Variants in PAX7 observed in about 807,000 individuals in gnomAD.
PAX7 encodes paired box 7.
A neutral mutation model predicts 50.7 loss-of-function variants in PAX7; 18 were observed. The observed-to-expected ratio is 0.36, with a 90% CI of 0.25 to 0.53. The LOEUF (loss-of-function observed/expected upper bound fraction) is 0.53, where lower values mean the gene tolerates loss of function less well. Ranked by LOEUF, PAX7 falls within the 20% of genes least tolerant of loss-of-function variation. PAX7 has a pLI of 0.93. For synonymous variants in PAX7, 310 were observed against 290.4 expected, an observed-to-expected ratio of 1.07 and a Z score of -0.69; for missense variants, 644 against 702.9, an observed-to-expected ratio of 0.92 and a Z score of 0.95.
At chr1:18,714,206 C>CAAATAAATAAATAAGT (rs144865369) in intron 7 of PAX7, among the ~76,000 whole-genome samples, 1 of 145,006 alleles carries the variant, frequency 6.9e-6, no homozygotes, top group African/African-American at 2.6e-5. Context: ...GGCTCCGTCT[C>CAAATAAATAAATAAGT]AAATAAATAA....
chr1:18,735,901 G>A lies in PAX7; in HGVS notation c.1402+23G>A, dbSNP rs777062997. 5.6e-6 allele frequency: 9 copies of A among 1,614,014 alleles called. No homozygotes were observed. The highest frequency in any genetic ancestry group is 3.3e-5 in the South Asian group (3 of 91,070). On this transcript the variant is annotated intron_variant, in intron 8 of 8. Transcript: ENST00000420770. The surrounding 1 kb of genome is among the most constrained non-coding windows in gnomAD (Gnocchi z 4.0). ...AGAGTGAGTGCCTGGTGCCCTGGGC[G>A]TCCCCCGTCCCCATTCCTTCTCCCA...
chr1:18,724,877 G>A (rs1263342207), intron 7 of PAX7, among the ~76,000 whole-genome samples: 3 of 152,134 alleles, frequency 2.0e-5, no homozygotes, highest in Non-Finnish European at 2.9e-5. Flanking sequence ...ACACAGCTAC[G>A]CAGCCACATA....
chr1:18,733,692 G>T (rs1250286802), intron 7 of PAX7, among the ~76,000 whole-genome samples: 2 of 152,142 alleles, frequency 1.3e-5, no homozygotes, highest in Non-Finnish European at 2.9e-5. Context: ...CAGAGCAAGG[G>T]ACCCCACCCC....
At chr1:18,722,890 G>T (rs742078) in intron 7 of PAX7, among the ~76,000 whole-genome samples, 86,905 of 151,998 alleles carry the variant, frequency 0.57, 25,215 homozygotes, top group South Asian at 0.67. Context: ...TCTTCTGTCT[G>T]CATCCACCTT....
intron 4 of PAX7, among the ~76,000 whole-genome samples, chr1:18,675,161 A>G (rs1002558227): frequency 2.0e-5 from 3 of 152,138 alleles, no homozygotes; most frequent in African/African-American, 7.2e-5. Context: ...GTTCTATGAA[A>G]GGATGTAGTG....
At chr1:18,674,572 G>GA (rs1557522628) in intron 4 of PAX7, among the ~76,000 whole-genome samples, 2 of 152,210 alleles carry the variant, frequency 1.3e-5, no homozygotes, top group African/African-American at 4.8e-5. Flanking sequence ...GCAGGAGCAG[G>GA]CACAGAGAAA....
intron 4 of PAX7, among the ~76,000 whole-genome samples, chr1:18,673,418 G>C (rs78215453): frequency 6.6e-6 from 1 of 152,260 alleles, no homozygotes; most frequent in East Asian, 1.9e-4. Flanking sequence ...CAAATATCTA[G>C]AAGCATGACT....
intron 4 of PAX7, among the ~76,000 whole-genome samples, chr1:18,682,207 G>A (rs2088911296): frequency 6.6e-6 from 1 of 152,098 alleles, no homozygotes; most frequent in Non-Finnish European, 1.5e-5. Flanking sequence ...AACCTGTGGG[G>A]GTCTCTCAGT....
At chr1:18,653,702 G>A (rs545790812) in intron 4 of PAX7, among the ~76,000 whole-genome samples, 1 of 151,936 alleles carries the variant, frequency 6.6e-6, no homozygotes, top group South Asian at 2.1e-4. Context: ...GAACGTATCT[G>A]CCCCCATTTT....
intron 7 of PAX7, among the ~76,000 whole-genome samples, chr1:18,718,527 G>A (rs1481446022): frequency 6.6e-6 from 1 of 152,144 alleles, no homozygotes; most frequent in East Asian, 1.9e-4. Flanking sequence ...GATTAGCGAG[G>A]TTCCATCTTG....
At chr1:18,663,987 C>G (rs552903901) in intron 4 of PAX7, among the ~76,000 whole-genome samples, 29 of 152,336 alleles carry the variant, frequency 1.9e-4, no homozygotes, top group African/African-American at 6.7e-4. Flanking sequence ...TAGAAAGCCC[C>G]CACCCCACCC....
At position 18,745,011 on chromosome 1, in the gene PAX7, C is replaced by T. The variant is rs1310447479; in HGVS notation, c.*82C>T. 2.5e-6 allele frequency: 2 copies of T among 798,460 alleles called. No individual in the cohort carries two copies. The highest frequency in any genetic ancestry group is 3.5e-5 in the African/African-American group (2 of 57,464). 49.5% of individuals were successfully genotyped at this position (798,460 alleles called of 1,614,324 possible). A position where few individuals can be genotyped will look rare whatever the true frequency, so the allele number is the denominator to read the frequency against. On this transcript the variant is annotated 3_prime_UTR_variant, in exon 9 of 9. Coordinates refer to ENST00000420770, the MANE Select transcript of PAX7 (RefSeq NM_001135254.2). The stretch of plus-strand genomic sequence containing the variant: ...GAGCTTCCCAGCCTTGCCGCCTCAC[C>T]CCCCTGTTGTCCTAGGAGGCCAGGA...
chr1:18,746,682 C>T lies in PAX7; in HGVS notation c.*1753C>T, dbSNP rs570707563. The T allele has an allele frequency of 3.9e-5, 9 of 231,080 alleles. No homozygotes were observed. Among genetic ancestry groups the T allele is most frequent in the East Asian group, 3.1e-4 (5 of 16,296 alleles). 14.3% of individuals were successfully genotyped at this position (231,080 alleles called of 1,614,324 possible). A position where few individuals can be genotyped will look rare whatever the true frequency, so the allele number is the denominator to read the frequency against. ...CTTGCCCTCAGTCAACAAGACATTCCTAGAGGGAAAGGGCTGCTGCTCTGG... is the reference window on the plus strand; with the variant it reads ...CTTGCCCTCAGTCAACAAGACATTCTTAGAGGGAAAGGGCTGCTGCTCTGG... On this transcript the variant is annotated 3_prime_UTR_variant, in exon 9 of 9. Coordinates refer to ENST00000420770, the MANE Select transcript of PAX7 (RefSeq NM_001135254.2).
intron 7 of PAX7, among the ~76,000 whole-genome samples, chr1:18,732,015 G>A (rs899269701): frequency 2.0e-5 from 3 of 152,042 alleles, no homozygotes; most frequent in Non-Finnish European, 2.9e-5. Context: ...TCGTGATTCA[G>A]CCCCCTCAGC....
chr1:18,655,558 G>A (rs2088501970), intron 4 of PAX7, among the ~76,000 whole-genome samples: 1 of 152,192 alleles, frequency 6.6e-6, no homozygotes, highest in South Asian at 2.1e-4. Context: ...TCCCATTGAG[G>A]GGAGCCGGGG....
rs2100410198 is a variant in PAX7, at chr1:18,631,568, T to C, written c.-36T>C. On this transcript the variant is annotated 5_prime_UTR_variant, in exon 1 of 9. Transcript: ENST00000420770. ...GAAGGGAGCGGACGGGAAGCGATTT[T>C]TGCCGACTTTGGATTCGTCCCCGGC... The C allele has an allele frequency of 6.3e-7, 1 of 1,587,060 alleles. No individual in the cohort carries two copies. The highest frequency in any genetic ancestry group is 1.7e-5 in the Admixed American group (1 of 58,270).
At chr1:18,724,510 A>G (rs1218992435) in intron 7 of PAX7, among the ~76,000 whole-genome samples, 1 of 152,240 alleles carries the variant, frequency 6.6e-6, no homozygotes, top group African/African-American at 2.4e-5. Flanking sequence ...TGCAATTGAC[A>G]GGTGCACCCA....
At chr1:18,718,830 C>T (rs1570222139) in intron 7 of PAX7, among the ~76,000 whole-genome samples, 1 of 152,046 alleles carries the variant, frequency 6.6e-6, no homozygotes, top group Admixed American at 6.6e-5. Flanking sequence ...TTAGTAGAGA[C>T]AGGGTTTCAC....
intron 3 of PAX7, among the ~76,000 whole-genome samples, chr1:18,635,820 A>ATG (rs59604586): frequency 0.081 from 12,108 of 149,744 alleles, 555 homozygotes; most frequent in East Asian, 0.14. Context: ...GTGTGTGTGT[A>ATG]TGTGTGTGTG....
Sources: gnomAD v4.1 joint callset for allele counts (sites outside exome capture counted in the v4.1 genomes callset) on GRCh38, gnomAD v4.1.1 for gene constraint, Gnocchi (gnomAD v3.1) non-coding constraint, MANE v1.5 for transcripts, NCBI Gene and HGNC (gene_info 2026-07-23, HGNC 2026-07-21) for gene names.